Variants in TMOD1 observed in about 807,000 individuals in gnomAD.
The protein encoded by TMOD1 is tropomodulin-1.
Under a neutral mutation model 40.6 loss-of-function variants are expected in TMOD1, and 17 were observed. That is an observed-to-expected ratio of 0.42 (90% confidence interval 0.29 to 0.63). The LOEUF (loss-of-function observed/expected upper bound fraction) is 0.63. Ranked by LOEUF, TMOD1 falls within the 20% of genes least tolerant of loss-of-function variation. TMOD1 has a pLI of 0.22. For missense variants in TMOD1, 391 were observed against 447.6 expected (o/e 0.87, Z 1.14); for synonymous variants, 181 against 175.0 (o/e 1.03, Z -0.27).
At chr9:97,555,215 A>G (rs1365543312) in intron 4 of TMOD1, among the ~76,000 whole-genome samples, 2 of 152,194 alleles carry the variant, frequency 1.3e-5, no homozygotes, top group East Asian at 1.9e-4. Context: ...GAGCCCGTAT[A>G]TTATACATCA....
chr9:97,530,671 A>C (rs1164672219), intron 2 of TMOD1, among the ~76,000 whole-genome samples: 1 of 151,004 alleles, frequency 6.6e-6, no homozygotes, highest in African/African-American at 2.4e-5. Flanking sequence ...TTGTATTTTT[A>C]GTAGAGACGG....
At chr9:97,521,865 G>T (rs77491114) in intron 1 of TMOD1, among the ~76,000 whole-genome samples, 1 of 152,206 alleles carries the variant, frequency 6.6e-6, no homozygotes, top group Non-Finnish European at 1.5e-5. Context: ...CTGAGACAGA[G>T]ACTTTTTCTG....
In TMOD1 at chr9:97,537,733, A is replaced by C. The variant is rs115727969; in HGVS notation, c.121-8452A>C. Among the ~76,000 whole-genome samples the C allele has an allele frequency of 8.5e-3, 1,291 of 152,324 alleles. 18 individuals are homozygous for C. The highest frequency in any genetic ancestry group is 0.029 in the African/African-American group (1,209 of 41,558). ...TATAGTCATTTTCAAGAACAAATTA[A>C]ACTTTGTATTTTCAAAATTTAAAAA... is the stretch of plus-strand genomic sequence containing the variant. On this transcript the variant is annotated intron_variant, in intron 2 of 9. Transcript: ENST00000259365.
At chr9:97,577,318 C>T (rs912425942) in intron 8 of TMOD1, among the ~76,000 whole-genome samples, 43 of 152,236 alleles carry the variant, frequency 2.8e-4, no homozygotes, top group African/African-American at 9.4e-4. Context: ...TAGTTCCTCT[C>T]GTCAGTCCTA....
At chr9:97,546,459 T>G in intron 3 of TMOD1, 118 bp downstream of exon 3, 1 of 1,099,670 alleles carries the variant, frequency 9.1e-7, no homozygotes, top group South Asian at 1.7e-5. Flanking sequence ...CTCCTTGTCC[T>G]CATCCCTGCC....
intron 8 of TMOD1, among the ~76,000 whole-genome samples, chr9:97,577,306 T>C (rs1358645521): frequency 2.6e-5 from 4 of 151,802 alleles, no homozygotes; most frequent in African/African-American, 9.7e-5. Flanking sequence ...ACCATCTGCG[T>C]GTAGTTCCTC....
At position 97,557,258 on chromosome 9, in the gene TMOD1, T is replaced by C. The variant is rs903536531; in HGVS notation, c.397+3858T>C. On this transcript the variant is annotated intron_variant, in intron 4 of 9. Transcript: ENST00000259365. This position sits in a 1 kb window ranked among gnomAD's most constrained non-coding sequence, Gnocchi z 4.4. ...TGCACAGGTTCCTGGCAGGGCTAAG[T>C]TCTTGGCGCATAGCCTACAGGGTTG... Among the ~76,000 whole-genome samples the C allele has an allele frequency of 3.3e-5, 5 of 152,234 alleles. No homozygotes were observed. The South Asian group carries it at 6.2e-4, about 19-fold the overall frequency.
At position 97,502,528 on chromosome 9, in the gene TMOD1, G is replaced by A. The variant is rs1166156460; in HGVS notation, c.-49+725G>A. Among the ~76,000 whole-genome samples, 1 of 152,168 alleles carries A rather than the reference G, an allele frequency of 6.6e-6. No homozygotes were observed. Among genetic ancestry groups the A allele is most frequent in the African/African-American group, 2.4e-5 (1 of 41,436 alleles). ...CTCCCATTTGTAGGGGCGAGGTTTGGTAGCCGCGATGGAGCTGGGAGCCCA... is the reference window on the plus strand; with the variant it reads ...CTCCCATTTGTAGGGGCGAGGTTTGATAGCCGCGATGGAGCTGGGAGCCCA... On this transcript the variant is annotated intron_variant, in intron 1 of 9. Transcript: ENST00000259365. This position sits in a 1 kb window ranked among gnomAD's most constrained non-coding sequence, Gnocchi z 6.1.
intron 2 of TMOD1, among the ~76,000 whole-genome samples, chr9:97,535,352 C>G (rs1423196217): frequency 6.6e-6 from 1 of 152,166 alleles, no homozygotes; most frequent in East Asian, 1.9e-4. Flanking sequence ...GACCCTAATG[C>G]CTCCCCTAGC....
At chr9:97,590,223 A>T (rs1033410625) in intron 8 of TMOD1, among the ~76,000 whole-genome samples, 16 of 150,256 alleles carry the variant, frequency 1.1e-4, no homozygotes, top group African/African-American at 3.7e-4. Context: ...TTCAATTTTT[A>T]TTTATTTTTT....
intron 3 of TMOD1, among the ~76,000 whole-genome samples, chr9:97,546,800 G>A (rs1243474541): frequency 2.0e-5 from 3 of 151,922 alleles, no homozygotes; most frequent in South Asian, 2.1e-4. Flanking sequence ...ATGGTGGCAC[G>A]AGCCTGTAGT....
intron 4 of TMOD1, among the ~76,000 whole-genome samples, chr9:97,561,722 A>G (rs1286290388): frequency 2.0e-5 from 3 of 152,118 alleles, no homozygotes; most frequent in Non-Finnish European, 1.5e-5. Context: ...ACCTCCCAAC[A>G]TGCAGCACAG....
chr9:97,513,928 G>A lies in TMOD1; in HGVS notation c.-48-10213G>A, dbSNP rs1482371652. On this transcript the variant is annotated intron_variant, in intron 1 of 9. Coordinates refer to ENST00000259365, the MANE Select transcript of TMOD1 (RefSeq NM_003275.4). This position sits in a 1 kb window ranked among gnomAD's most constrained non-coding sequence, Gnocchi z 4.1. ...GGACATTCACATGTAAGCCAAGGCT[G>A]AGTCTGGCCCTGGGGCCTTCAGAGC... is the stretch of plus-strand genomic sequence containing the variant. 1 of 152,320 alleles carries A rather than the reference G, an allele frequency of 6.6e-6. No homozygotes were observed. The highest frequency in any genetic ancestry group is 2.4e-5 in the African/African-American group (1 of 41,456). 9.4% of individuals were successfully genotyped at this position (152,320 alleles called of 1,614,324 possible).
intron 1 of TMOD1, among the ~76,000 whole-genome samples, chr9:97,508,056 TTCACACACACACACACACAC>T (rs1564225930): frequency 1.0e-5 from 1 of 96,066 alleles, no homozygotes; most frequent in African/African-American, 4.2e-5. Flanking sequence ...ATCTTCCTGA[TTCACACACACACACACACAC>T]ACACACACAC....
At position 97,508,196 on chromosome 9, in the gene TMOD1, C is replaced by CT. The variant is rs58736056; in HGVS notation, c.-49+6403dup. 4.3e-3 allele frequency among the ~76,000 whole-genome samples: 631 copies of CT among 146,764 alleles called. 3 individuals carry two copies. The highest frequency in any genetic ancestry group is 5.0e-3 in the South Asian group (23 of 4,574). ...GGTAACTTTTAACATTTCTTTCTTT[C>CT]TTTTTTTTTTGAGACAGAGTCTCGC... On this transcript the variant is annotated intron_variant, in intron 1 of 9. Coordinates refer to ENST00000259365, the MANE Select transcript of TMOD1 (RefSeq NM_003275.4).
chr9:97,599,940 C>T lies in TMOD1; in HGVS notation c.*242C>T. 7.8e-7 allele frequency: 1 copy of T among 1,282,246 alleles called. No individual in the cohort carries two copies. Among genetic ancestry groups the T allele is most frequent in the Non-Finnish European group, 9.9e-7 (1 of 1,006,510 alleles). The allele number at this position is 1,282,246 out of a possible 1,614,324, so 79.4% of individuals were successfully genotyped here. A position where few individuals can be genotyped will look rare whatever the true frequency, so the allele number is the denominator to read the frequency against. ...TGGTTATTATTTAAAAACTAGAAGCCCCCAAACCAGCAGATCTTACTGAAG... is the reference window on the plus strand; with the variant it reads ...TGGTTATTATTTAAAAACTAGAAGCTCCCAAACCAGCAGATCTTACTGAAG... On this transcript the variant is annotated 3_prime_UTR_variant, in exon 10 of 10. Transcript: ENST00000259365.
Position 97,559,807 on chromosome 9 carries a change from ATATATATATATATATATG to A in TMOD1, c.398-2923_398-2906del, listed in dbSNP as rs1563990673. On this transcript the variant is annotated intron_variant, in intron 4 of 9. Coordinates refer to ENST00000259365, the MANE Select transcript of TMOD1 (RefSeq NM_003275.4). ...AAAAAAAAAAAAAATATATATATAT[ATATATATATATATATATG>A]TCTATCTATCTATCTATCTATCTAT... Among the ~76,000 whole-genome samples, 207 of 33,712 alleles carry A rather than the reference ATATATATATATATATATG, an allele frequency of 6.1e-3. 6 individuals are homozygous for A. Among genetic ancestry groups the A allele is most frequent in the East Asian group, 0.016 (17 of 1,058 alleles). The allele number at this position is 33,712 out of a possible 152,430, so 22.1% of individuals were successfully genotyped here. A position where few individuals can be genotyped will look rare whatever the true frequency, so the allele number is the denominator to read the frequency against.
intron 6 of TMOD1, 94 bp downstream of exon 6, chr9:97,564,262 G>A: frequency 2.1e-6 from 3 of 1,457,572 alleles, no homozygotes; most frequent in South Asian, 2.8e-5. Context: ...GTTGTGCAGA[G>A]TAAACAGGGT....
At position 97,531,035 on chromosome 9, in the gene TMOD1, CCA is replaced by C. The variant is rs1228475103; in HGVS notation, c.120+6729_120+6730del. 1.0e-4 allele frequency among the ~76,000 whole-genome samples: 13 copies of C among 124,766 alleles called. 2 individuals carry two copies. The highest frequency in any genetic ancestry group is 6.8e-4 in the East Asian group (3 of 4,424). The allele number at this position is 124,766 out of a possible 152,430, so 81.9% of individuals were successfully genotyped here. Reference sequence around the variant, plus strand: ...ACTCCTGACCTTAGGTGATCCACACCCACCCCCCCCACCACCCCTTGGCCTCC... The same window carrying C: ...ACTCCTGACCTTAGGTGATCCACACCCCCCCCCCACCACCCCTTGGCCTCC... On this transcript the variant is annotated intron_variant, in intron 2 of 9. Coordinates refer to ENST00000259365, the MANE Select transcript of TMOD1 (RefSeq NM_003275.4).
Sources: allele counts gnomAD v4.1 joint callset (sites outside exome capture counted in the v4.1 genomes callset), GRCh38; gene constraint gnomAD v4.1.1; non-coding constraint Gnocchi (gnomAD v3.1); transcripts MANE v1.5; gene names NCBI Gene and HGNC (gene_info 2026-07-23, HGNC 2026-07-21).